TMCO4: variants seen among roughly 807,000 people sequenced by gnomAD.
The protein encoded by TMCO4 is transmembrane and coiled-coil domain-containing protein 4.
TMCO4 carries 58 observed loss-of-function variants against 64.7 expected under a neutral mutation model. That is an observed-to-expected ratio of 0.90 (90% CI 0.73 to 1.12). The LOEUF is 1.12. Among genes scored for constraint, TMCO4 ranks in the 50% most tolerant of loss-of-function variants. The pLI is 0.00. For synonymous variants in TMCO4, 325 were observed against 346.1 expected, an observed-to-expected ratio of 0.94 and a Z score of 0.68; for missense variants, 780 against 825.9, an observed-to-expected ratio of 0.94 and a Z score of 0.68.
chr1:19,762,590 C>T (rs1324003494), intron 6 of TMCO4, among the ~76,000 whole-genome samples: 1 of 152,232 alleles, frequency 6.6e-6, no homozygotes, highest in East Asian at 1.9e-4. Context: ...AGCTGCGTTT[C>T]GTACTTCATT....
chr1:19,718,861 G>A (rs769159819), intron 13 of TMCO4, among the ~76,000 whole-genome samples: 1 of 151,970 alleles, frequency 6.6e-6, no homozygotes, highest in African/African-American at 2.4e-5. Context: ...CGAGGAATGC[G>A]GCGGCACCAA....
chr1:19,747,265 G>C lies in TMCO4; in HGVS notation c.516-5C>G. 1 of 1,612,450 alleles carries C rather than the reference G, an allele frequency of 6.2e-7. No individual in the cohort carries two copies. Among genetic ancestry groups the C allele is most frequent in the Non-Finnish European group, 8.5e-7 (1 of 1,179,544 alleles). ...TTTCGGGATGCCTCGGCCATTCTGA[G>C]GGAAAAGAGGCTGGTCTTTAGGGCC... On this transcript the variant is annotated splice_polypyrimidine_tract_variant and splice_region_variant and intron_variant, in intron 7 of 15. Coordinates refer to ENST00000294543, the MANE Select transcript of TMCO4 (RefSeq NM_181719.7).
rs2095434439 is a variant in TMCO4 at position 19,732,543 on chromosome 1, G to GATCT, written c.1264+4828_1264+4829insAGAT. Among the ~76,000 whole-genome samples, 1 of 152,114 alleles carries GATCT rather than the reference G, an allele frequency of 6.6e-6. No individual in the cohort carries two copies. The highest frequency in any genetic ancestry group is 2.4e-5 in the African/African-American group (1 of 41,428). On this transcript the variant is annotated intron_variant, in intron 13 of 15. Coordinates refer to ENST00000294543, the MANE Select transcript of TMCO4 (RefSeq NM_181719.7). The surrounding 1 kb of genome is among the most constrained non-coding windows in gnomAD (Gnocchi z 4.8). ...ACCTCCTCTCTAGATGATCAATGAG[G>GATCT]CAGGGATGGGATGTTATGAAATAAG... is the stretch of plus-strand genomic sequence containing the variant.
chr1:19,762,031 A>G (rs1458965750), intron 6 of TMCO4, among the ~76,000 whole-genome samples: 1 of 152,244 alleles, frequency 6.6e-6, no homozygotes, highest in Non-Finnish European at 1.5e-5. Context: ...CAAATGAAGA[A>G]AGAACAGGTG....
intron 4 of TMCO4, among the ~76,000 whole-genome samples, chr1:19,777,240 C>T (rs2043249209): frequency 6.6e-6 from 1 of 152,064 alleles, no homozygotes; most frequent in African/African-American, 2.4e-5. Context: ...CTCTTCCTTC[C>T]TGCCTTGGGC....
intron 13 of TMCO4, among the ~76,000 whole-genome samples, chr1:19,704,770 G>A (rs575185367): frequency 6.6e-6 from 1 of 152,290 alleles, no homozygotes; most frequent in Non-Finnish European, 1.5e-5. Flanking sequence ...CAGGATCCAC[G>A]GACAGCTGAG....
intron 2 of TMCO4, among the ~76,000 whole-genome samples, chr1:19,789,410 A>G (rs1201483324): frequency 6.6e-6 from 1 of 151,980 alleles, no homozygotes; most frequent in Non-Finnish European, 1.5e-5. Context: ...CTCTGCCTCA[A>G]ATAAATAAAT....
At chr1:19,700,593 C>T (rs1486516781) in intron 14 of TMCO4, among the ~76,000 whole-genome samples, 175 bp downstream of exon 14, 1 of 152,232 alleles carries the variant, frequency 6.6e-6, no homozygotes, top group Non-Finnish European at 1.5e-5. Context: ...GGCCGCTTCC[C>T]AGATCAGATC....
intron 3 of TMCO4, 68 bp from the exon 4 acceptor site, chr1:19,780,834 G>T: frequency 7.6e-7 from 1 of 1,318,522 alleles, no homozygotes; most frequent in Non-Finnish European, 1.0e-6. Flanking sequence ...GCATGACACA[G>T]AACTTACAAA....
chr1:19,714,160 C>T (rs1021276728), intron 13 of TMCO4, among the ~76,000 whole-genome samples: 3 of 152,320 alleles, frequency 2.0e-5, no homozygotes, highest in East Asian at 3.9e-4. Context: ...TGGTCTCAAA[C>T]TCCTGGCCTC....
chr1:19,741,093 C>G (rs2095477309), intron 10 of TMCO4, 152 bp from the exon 11 acceptor site: 1 of 815,038 alleles, frequency 1.2e-6, no homozygotes, highest in Non-Finnish European at 1.8e-6. Flanking sequence ...GTCAGCAGAG[C>G]TAGCGGAGCT....
intron 2 of TMCO4, among the ~76,000 whole-genome samples, chr1:19,797,836 C>T (rs1436376831): frequency 3.0e-5 from 4 of 135,190 alleles, no homozygotes; most frequent in African/African-American, 1.1e-4. Flanking sequence ...TGCACTCCAG[C>T]CTGGGTGACA....
At chr1:19,703,712 TA>T (rs2095287464) in intron 13 of TMCO4, among the ~76,000 whole-genome samples, 1 of 152,092 alleles carries the variant, frequency 6.6e-6, no homozygotes, top group East Asian at 1.9e-4. Context: ...CATGCCTGGC[TA>T]ATTTTTGTAT....
chr1:19,700,958 G>T, intron 13 of TMCO4, 73 bp from the exon 14 acceptor site: 1 of 1,186,968 alleles, frequency 8.4e-7, no homozygotes, highest in Non-Finnish European at 1.2e-6. Flanking sequence ...TCCAACAGCA[G>T]TGGAGGAGAT....
intron 13 of TMCO4, among the ~76,000 whole-genome samples, chr1:19,704,203 C>T (rs1383552520): frequency 6.6e-6 from 1 of 152,198 alleles, no homozygotes; most frequent in African/African-American, 2.4e-5. Flanking sequence ...CCTTTTGTTT[C>T]CAGGACAATG....
At position 19,774,238 on chromosome 1, in the gene TMCO4, T is replaced by C. The variant is rs539141392; in HGVS notation, c.180-2756A>G. ...ACAGAAAGGGCTCAGGGCCAAGGACTACAGCATGGCCTGGTCCTGCTGTCC... is the reference window on the plus strand; with the variant it reads ...ACAGAAAGGGCTCAGGGCCAAGGACCACAGCATGGCCTGGTCCTGCTGTCC... On this transcript the variant is annotated intron_variant, in intron 4 of 15. Coordinates refer to ENST00000294543, the MANE Select transcript of TMCO4 (RefSeq NM_181719.7). 2.6e-5 allele frequency among the ~76,000 whole-genome samples: 4 copies of C among 152,354 alleles called. No homozygotes were observed. The South Asian group carries it at 8.3e-4, about 32-fold the overall frequency.
chr1:19,798,795 C>T (rs1009596879), intron 1 of TMCO4, among the ~76,000 whole-genome samples: 2 of 152,238 alleles, frequency 1.3e-5, no homozygotes, highest in Non-Finnish European at 1.5e-5. Flanking sequence ...CTGAGGGCAG[C>T]GCTCCTTTTT....
At chr1:19,780,880 G>T in intron 3 of TMCO4, 114 bp from the exon 4 acceptor site, 1 of 886,400 alleles carries the variant, frequency 1.1e-6, no homozygotes, top group Non-Finnish European at 1.7e-6. Flanking sequence ...TCATTAAAAT[G>T]AAGAACTTCT....
At chr1:19,718,958 G>C (rs1345294416) in intron 13 of TMCO4, among the ~76,000 whole-genome samples, 1 of 152,058 alleles carries the variant, frequency 6.6e-6, no homozygotes, top group African/African-American at 2.4e-5. Context: ...TACACACAAC[G>C]TAAAACCACT....
Sources: allele counts gnomAD v4.1 joint callset (sites outside exome capture counted in the v4.1 genomes callset), GRCh38; gene constraint gnomAD v4.1.1; non-coding constraint Gnocchi (gnomAD v3.1); transcripts MANE v1.5; gene names NCBI Gene and HGNC (gene_info 2026-07-23, HGNC 2026-07-21).